Variants in ZHX1 observed in about 807,000 individuals in gnomAD.
The protein encoded by ZHX1 is zinc fingers and homeoboxes 1, also known as zinc fingers and homeoboxes protein 1.
Under a neutral mutation model 61.8 loss-of-function variants are expected in ZHX1, and 20 were observed. That is an observed-to-expected ratio of 0.32 (90% confidence interval 0.23 to 0.47). ZHX1 has a LOEUF of 0.47. Ranked by LOEUF, ZHX1 falls within the 20% of genes least tolerant of loss-of-function variation. The pLI is 1.00. For synonymous variants in ZHX1, 318 were observed against 352.6 expected (o/e 0.90, Z 1.10); for missense variants, 800 against 1,034.8 (o/e 0.77, Z 3.11).
Position 123,255,442 on chromosome 8 carries a change from T to C in ZHX1, c.505A>G (p.Thr169Ala). Residue 169 changes from threonine to alanine, a missense_variant, in exon 3 of 4, where the codon ACA (threonine) becomes GCA (alanine). Physicochemically the swap from Thr to Ala is moderately conservative, Grantham distance 58. Coordinates refer to ENST00000395571, the MANE Select transcript of ZHX1 (RefSeq NM_007222.5). ...KEENAEQAES[T>A]EVSSSGISIS... The stretch of plus-strand genomic sequence containing the variant: ...GATATTCCCGAAGAAGAAACTTCTG[T>C]AGATTCTGCTTGCTCTGCATTCTCC... The C allele has an allele frequency of 6.2e-7, 1 of 1,613,368 alleles. No individual in the cohort carries two copies. Among genetic ancestry groups the C allele is most frequent in the South Asian group, 1.1e-5 (1 of 91,078 alleles).
intron 2 of ZHX1, among the ~76,000 whole-genome samples, chr8:123,257,664 G>A (rs746249645): frequency 3.9e-5 from 6 of 152,138 alleles, no homozygotes; most frequent in East Asian, 1.9e-4. Flanking sequence ...CAGGGAGTGC[G>A]CAACCTAGAG....
At chr8:123,259,355 A>T (rs890486629) in intron 2 of ZHX1, among the ~76,000 whole-genome samples, 1 of 152,216 alleles carries the variant, frequency 6.6e-6, no homozygotes, top group South Asian at 2.1e-4. Flanking sequence ...AAACTAAGCC[A>T]ATGTTATCTT....
Position 123,255,078 on chromosome 8 carries a change from T to A in ZHX1, c.869A>T (p.Asn290Ile), listed in dbSNP as rs572569224. The A allele has an allele frequency of 6.2e-7, 1 of 1,614,148 alleles. No individual in the cohort carries two copies. The highest frequency in any genetic ancestry group is 2.2e-5 in the East Asian group (1 of 44,886). Residue 290 changes from asparagine (N) to isoleucine (I), a missense_variant, in exon 3 of 4, where the codon AAT becomes ATT. Asn to Ile is a moderately radical substitution (Grantham distance 149). Coordinates refer to ENST00000395571, the MANE Select transcript of ZHX1 (RefSeq NM_007222.5). ...LIPVNSIPTY[N>I]AALDNNPLLL... is the part of the protein sequence containing the mutation. ...AAGGGGATTGTTATCCAATGCAGCA[T>A]TGTAGGTGGGAATGCTATTAACAGG...
intron 2 of ZHX1, among the ~76,000 whole-genome samples, chr8:123,256,443 G>T (rs1381381772): frequency 6.6e-6 from 1 of 151,996 alleles, no homozygotes; most frequent in Non-Finnish European, 1.5e-5. Flanking sequence ...AGGGGGAAAG[G>T]GCCTGCTTTG....
chr8:123,259,462 C>CA (rs1314566090), intron 2 of ZHX1, among the ~76,000 whole-genome samples: 1 of 151,834 alleles, frequency 6.6e-6, no homozygotes, highest in Non-Finnish European at 1.5e-5. Context: ...TAAATGGCTC[C>CA]AAATAAGTGG....
chr8:123,255,459 G>A lies in ZHX1; in HGVS notation c.488C>T (p.Ala163Val). 1 of 1,613,234 alleles carries A rather than the reference G, an allele frequency of 6.2e-7. No individual in the cohort carries two copies. The highest frequency in any genetic ancestry group is 1.3e-5 in the African/African-American group (1 of 75,048). ...FDGSFVKEENAEQAESTEVSS... is the reference protein window; with the variant it reads ...FDGSFVKEENVEQAESTEVSS... ...AACTTCTGTAGATTCTGCTTGCTCT[G>A]CATTCTCCTCTTTAACAAAACTACC... Residue 163 changes from alanine to valine, a missense_variant, in exon 3 of 4, where the codon GCA becomes GTA. By Grantham distance (64) the Ala-to-Val change is moderately conservative. Coordinates refer to ENST00000395571, the MANE Select transcript of ZHX1 (RefSeq NM_007222.5).
At position 123,254,639 on chromosome 8, in the gene ZHX1, A is replaced by G. The variant is rs61744421; in HGVS notation, c.1308T>C (p.Pro436=). ...CTGTTGCTGGCTTTGTTTCTGCAGT[A>G]GGCTGAGCAGCAGGTACCTGACTTT... is the stretch of plus-strand genomic sequence containing the variant. ...IQKSQVPAAQ[P]TAETKPATAA... The change falls in exon 3 of 4, where the codon CCT becomes CCC. Residue 436 remains proline (P), a synonymous_variant. Transcript: ENST00000395571. The surrounding 1 kb of genome is among the most constrained non-coding windows in gnomAD (Gnocchi z 4.1). 3,464 of 1,614,170 alleles carry G rather than the reference A, an allele frequency of 2.1e-3. 61 individuals are homozygous for G. In the African/African-American group the frequency reaches 0.039, roughly 18 times the overall value.
In ZHX1 at chr8:123,253,971, C is replaced by T. The variant is rs143390709; in HGVS notation, c.1976G>A (p.Gly659Glu). ...PADESGAPKS[G>E]STGKICKKTP... Reference sequence around the variant, plus strand: ...TTTTTTACATATCTTGCCTGTACTCCCTGACTTAGGTGCACCAGATTCATC... The same window carrying T: ...TTTTTTACATATCTTGCCTGTACTCTCTGACTTAGGTGCACCAGATTCATC... Residue 659 changes from glycine to glutamate, a missense_variant, in exon 3 of 4, where the codon GGG becomes GAG. Physicochemically the swap from Gly to Glu is moderately conservative, Grantham distance 98. Transcript: ENST00000395571. The T allele has an allele frequency of 6.2e-7, 1 of 1,614,146 alleles. No individual in the cohort carries two copies. The highest frequency in any genetic ancestry group is 1.3e-5 in the African/African-American group (1 of 75,034).
intron 1 of ZHX1, among the ~76,000 whole-genome samples, chr8:123,269,585 A>G (rs1281253211): frequency 6.6e-6 from 1 of 152,206 alleles, no homozygotes; most frequent in African/African-American, 2.4e-5. Flanking sequence ...TTTGGAACAG[A>G]CTGGGTTCAA....
chr8:123,260,328 G>T (rs370806961), intron 2 of ZHX1, among the ~76,000 whole-genome samples: 8 of 152,226 alleles, frequency 5.3e-5, no homozygotes, highest in Non-Finnish European at 7.4e-5. Context: ...AAACATATCG[G>T]CTGGGTGCGC....
At chr8:123,264,742 G>A (rs1389019068) in intron 2 of ZHX1, among the ~76,000 whole-genome samples, 8 of 150,848 alleles carry the variant, frequency 5.3e-5, no homozygotes, top group Non-Finnish European at 1.0e-4. Flanking sequence ...ATTTTTTTTA[G>A]TAGAGACGGG....
In ZHX1 at chr8:123,255,606, T is replaced by C; in HGVS notation, c.341A>G (p.Tyr114Cys). Residue 114 changes from tyrosine (Y) to cysteine (C), a missense_variant, in exon 3 of 4, where the codon TAT becomes TGT. Transcript: ENST00000395571. The part of the protein sequence containing the change: ...CVECNFLTKR[Y>C]DALSEHNLKY... ...CAGATTATGCTCAGAAAGTGCATCA[T>C]ACCTTTTGGTAAGAAAATTGCATTC... is the stretch of plus-strand genomic sequence containing the variant. The C allele has an allele frequency of 2.5e-6, 4 of 1,613,524 alleles. No homozygotes were observed. The highest frequency in any genetic ancestry group is 1.1e-5 in the South Asian group (1 of 91,076).
chr8:123,271,426 T>C (rs896578835), intron 1 of ZHX1, among the ~76,000 whole-genome samples: 1 of 152,180 alleles, frequency 6.6e-6, no homozygotes, highest in African/African-American at 2.4e-5. Context: ...GACTATGATA[T>C]TAGATTAAAA....
chr8:123,265,082 G>A (rs917129155), intron 2 of ZHX1, among the ~76,000 whole-genome samples: 10 of 150,778 alleles, frequency 6.6e-5, no homozygotes, highest in South Asian at 4.2e-4. Context: ...CCAGCTACTC[G>A]GGAGGTTGAG....
At chr8:123,263,047 G>A (rs1190867008) in intron 2 of ZHX1, 2 of 149,296 alleles carry the variant, frequency 1.3e-5, no homozygotes, top group African/African-American at 4.9e-5. Context: ...GGAGTGGAGG[G>A]GAAGGGAGGC....
intron 1 of ZHX1, among the ~76,000 whole-genome samples, chr8:123,268,442 T>G (rs1826537560): frequency 6.6e-6 from 1 of 152,220 alleles, no homozygotes; most frequent in African/African-American, 2.4e-5. Flanking sequence ...CAATTGCTTT[T>G]CTTACTAGAA....
At chr8:123,271,472 TAA>T (rs1341235846) in intron 1 of ZHX1, among the ~76,000 whole-genome samples, 1 of 152,150 alleles carries the variant, frequency 6.6e-6, no homozygotes, top group African/African-American at 2.4e-5. Flanking sequence ...TTTATTTAAG[TAA>T]AGTCTTTGGG....
intron 3 of ZHX1, among the ~76,000 whole-genome samples, chr8:123,252,050 A>C (rs1825934846): frequency 6.6e-6 from 1 of 152,194 alleles, no homozygotes; most frequent in Non-Finnish European, 1.5e-5. Flanking sequence ...GCATAAAAGT[A>C]GGGGATGGGA....
chr8:123,249,299 A>G lies in ZHX1; in HGVS notation c.*1025T>C, dbSNP rs184340838. 4.6e-5 allele frequency: 7 copies of G among 152,302 alleles called. No individual in the cohort carries two copies. Among genetic ancestry groups the G allele is most frequent in the Middle Eastern group, 3.4e-3 (1 of 294 alleles). 9.4% of individuals were successfully genotyped at this position (152,302 alleles called of 1,614,324 possible). A position where few individuals can be genotyped will look rare whatever the true frequency, so the allele number is the denominator to read the frequency against. On this transcript the variant is annotated 3_prime_UTR_variant, in exon 4 of 4. Transcript: ENST00000395571. Reference sequence around the variant, plus strand: ...TGAACTTTCAGTCTCCTGATACGGCAAGAGTTAACAGTTAACACTCCCATG... The same window carrying G: ...TGAACTTTCAGTCTCCTGATACGGCGAGAGTTAACAGTTAACACTCCCATG...
Sources: gnomAD v4.1 joint callset for allele counts (sites outside exome capture counted in the v4.1 genomes callset) on GRCh38, gnomAD v4.1.1 for gene constraint, Gnocchi (gnomAD v3.1) non-coding constraint, MANE v1.5 for transcripts, NCBI Gene and HGNC (gene_info 2026-07-23, HGNC 2026-07-21) for gene names.